Variants in UNC13C observed in about 807,000 individuals in gnomAD.
UNC13C encodes protein unc-13 homolog C.
Under a neutral mutation model 245.4 loss-of-function variants are expected in UNC13C, and 174 were observed. The ratio of observed to expected loss-of-function variants is 0.71; its 90% CI spans 0.63 to 0.80. UNC13C has a LOEUF of 0.80. Ranked by LOEUF, UNC13C falls within the 30% of genes least tolerant of loss-of-function variation. UNC13C has a pLI of 0.00. For synonymous variants in UNC13C, 992 were observed against 895.1 expected, an observed-to-expected ratio of 1.11 and a Z score of -1.93; for missense variants, 2,829 against 2,602.9, an observed-to-expected ratio of 1.09 and a Z score of -1.89.
the UNC13C span, among the ~76,000 whole-genome samples, chr15:53,879,598 AT>A: frequency 3.3e-5 from 5 of 151,258 alleles, no homozygotes; most frequent in Admixed American, 3.3e-4. Flanking sequence ...CTCTCTTTTT[AT>A]TTTTTTTGAG....
At chr15:53,917,453 AAAGT>A in the UNC13C span, among the ~76,000 whole-genome samples, 1 of 152,228 alleles carries the variant, frequency 6.6e-6, no homozygotes, top group Non-Finnish European at 1.5e-5. Context: ...GGAACTCCTA[AAAGT>A]GAGTACCTAG....
At chr15:53,903,051 G>C in the UNC13C span, among the ~76,000 whole-genome samples, 1 of 152,162 alleles carries the variant, frequency 6.6e-6, no homozygotes, top group African/African-American at 2.4e-5. Flanking sequence ...GATCCTGTTT[G>C]AAATAAAGAC....
chr15:54,189,839 G>C (rs969221742), intron 4 of UNC13C, among the ~76,000 whole-genome samples: 1 of 151,938 alleles, frequency 6.6e-6, no homozygotes, highest in Non-Finnish European at 1.5e-5. Flanking sequence ...TTGATTCTTT[G>C]ATGCCACTTA....
chr15:54,614,527 G>A (rs536307455), intron 30 of UNC13C, among the ~76,000 whole-genome samples: 6 of 152,024 alleles, frequency 3.9e-5, no homozygotes, highest in South Asian at 2.1e-4. Context: ...CAACAGCTCC[G>A]GTCTTAGGCT....
intron 2 of UNC13C, among the ~76,000 whole-genome samples, chr15:54,035,724 C>A (rs780574989): frequency 3.9e-5 from 6 of 152,034 alleles, no homozygotes; most frequent in Non-Finnish European, 8.8e-5. Context: ...TTTCCATCAA[C>A]CAAGATAGCA....
intron 20 of UNC13C, 114 bp from the exon 21 acceptor site, chr15:54,499,965 A>G (rs956636459): frequency 1.0e-4 from 80 of 787,098 alleles, no homozygotes; most frequent in South Asian, 8.6e-4. Flanking sequence ...GCAAGAGAGA[A>G]TGAAAGGAGA....
At chr15:53,965,562 ATTT>A in the UNC13C span, among the ~76,000 whole-genome samples, 2 of 128,390 alleles carry the variant, frequency 1.6e-5, no homozygotes, top group Non-Finnish European at 3.2e-5. Context: ...TTATTTATTT[ATTT>A]ATTTATTATT....
intron 30 of UNC13C, among the ~76,000 whole-genome samples, chr15:54,594,474 C>G (rs1345605600): frequency 6.6e-6 from 1 of 151,936 alleles, no homozygotes; most frequent in African/African-American, 2.4e-5. Context: ...TGTCTGAGCT[C>G]AAGACTCTCC....
At chr15:54,323,706 C>G (rs948612552) in intron 14 of UNC13C, among the ~76,000 whole-genome samples, 5 of 151,944 alleles carry the variant, frequency 3.3e-5, no homozygotes, top group Admixed American at 2.0e-4. Context: ...CTGTTGTTAC[C>G]AAATACCAGA....
chr15:54,201,127 C>G (rs1307226879), intron 4 of UNC13C, among the ~76,000 whole-genome samples: 1 of 151,922 alleles, frequency 6.6e-6, no homozygotes, highest in Non-Finnish European at 1.5e-5. Flanking sequence ...GATATAGAAT[C>G]TCTGAACAGA....
At chr15:54,239,322 T>G (rs1424000990) in intron 7 of UNC13C, among the ~76,000 whole-genome samples, 2 of 152,220 alleles carry the variant, frequency 1.3e-5, no homozygotes, top group Non-Finnish European at 2.9e-5. Context: ...TACATATCAG[T>G]AAAACAAAAC....
intron 4 of UNC13C, among the ~76,000 whole-genome samples, chr15:54,190,385 C>A (rs2034143192): frequency 6.6e-6 from 1 of 152,092 alleles, no homozygotes; most frequent in Non-Finnish European, 1.5e-5. Context: ...GTACTTCTCG[C>A]CACCCATCCC....
chr15:54,458,637 A>C (rs1309551120), intron 19 of UNC13C, among the ~76,000 whole-genome samples: 1 of 142,724 alleles, frequency 7.0e-6, no homozygotes, highest in East Asian at 2.2e-4. Flanking sequence ...TTATCATTAT[A>C]GAATGTCCCT....
At chr15:54,442,325 C>A (rs554232745) in intron 19 of UNC13C, among the ~76,000 whole-genome samples, 1 of 147,796 alleles carries the variant, frequency 6.8e-6, no homozygotes, top group Non-Finnish European at 1.5e-5. Flanking sequence ...CAGATTCAAG[C>A]GATTCTTCTG....
At chr15:54,620,999 T>C (rs2141308978) in intron 30 of UNC13C, among the ~76,000 whole-genome samples, 1 of 152,212 alleles carries the variant, frequency 6.6e-6, no homozygotes, top group East Asian at 1.9e-4. Flanking sequence ...TGTGAAGGGT[T>C]GTTCTAAAAT....
intron 3 of UNC13C, among the ~76,000 whole-genome samples, chr15:54,143,401 G>A (rs997877614): frequency 6.6e-6 from 1 of 152,066 alleles, no homozygotes; most frequent in African/African-American, 2.4e-5. Flanking sequence ...ATATTTTCCG[G>A]GACTCTGCCA....
chr15:54,143,609 C>T lies in UNC13C; in HGVS notation c.3007-11C>T. Reference sequence around the variant, plus strand: ...CTGTTTGTTTTGTTTTTCTCTTACTCTTCATTTAAGGCTCGAATAGTAAGT... The same window carrying T: ...CTGTTTGTTTTGTTTTTCTCTTACTTTTCATTTAAGGCTCGAATAGTAAGT... On this transcript the variant is annotated splice_polypyrimidine_tract_variant and intron_variant, in intron 3 of 32. Transcript: ENST00000260323. 2.5e-6 allele frequency: 4 copies of T among 1,611,872 alleles called. No individual in the cohort carries two copies. The highest frequency in any genetic ancestry group is 3.4e-6 in the Non-Finnish European group (4 of 1,178,406).
chr15:54,478,926 T>C (rs1489349716), intron 19 of UNC13C, among the ~76,000 whole-genome samples: 1 of 152,068 alleles, frequency 6.6e-6, no homozygotes, highest in Non-Finnish European at 1.5e-5. Flanking sequence ...AAGTCTCCCA[T>C]TATTAATGTG....
At chr15:54,078,311 TA>T (rs1449728360) in intron 2 of UNC13C, among the ~76,000 whole-genome samples, 1 of 152,240 alleles carries the variant, frequency 6.6e-6, no homozygotes, top group African/African-American at 2.4e-5. Context: ...AGTCCGGCTA[TA>T]TTTTTTTATA....
Sources: gnomAD v4.1 joint callset for allele counts (sites outside exome capture counted in the v4.1 genomes callset) on GRCh38, gnomAD v4.1.1 for gene constraint, MANE v1.5 for transcripts, NCBI Gene and HGNC (gene_info 2026-07-23, HGNC 2026-07-21) for gene names.